The following TENM3 variants were observed in gnomAD, a reference collection of about 807,000 sequenced individuals.
TENM3 encodes teneurin-3.
A neutral mutation model predicts 255.1 loss-of-function variants in TENM3; 63 were observed. The ratio of observed to expected loss-of-function variants is 0.25; its 90% CI spans 0.20 to 0.30. The LOEUF (loss-of-function observed/expected upper bound fraction) is 0.30. Ranked by LOEUF, TENM3 falls within the 10% of genes least tolerant of loss-of-function variation. The pLI is 1.00. For missense variants in TENM3, 2,929 were observed against 3,461.1 expected (o/e 0.85, Z 3.86); for synonymous variants, 1,306 against 1,322.3 (o/e 0.99, Z 0.27).
intron 3 of TENM3, among the ~76,000 whole-genome samples, chr4:182,547,299 C>T (rs1400083470): frequency 6.6e-6 from 1 of 152,088 alleles, no homozygotes; most frequent in African/African-American, 2.4e-5. Flanking sequence ...TATTTCTAAA[C>T]TATATTATGG....
At chr4:181,512,738 C>G in the TENM3 span, among the ~76,000 whole-genome samples, 1 of 152,158 alleles carries the variant, frequency 6.6e-6, no homozygotes, top group Non-Finnish European at 1.5e-5. Flanking sequence ...AACAACCAAA[C>G]ATAAATAATA....
At chr4:182,672,975 G>T (rs747021789) in intron 6 of TENM3, 30 bp from the exon 7 acceptor site, 5 of 1,417,546 alleles carry the variant, frequency 3.5e-6, no homozygotes, top group Non-Finnish European at 4.8e-6. Flanking sequence ...AAAAAAATTT[G>T]TTCTTCATCA....
chr4:181,766,979 G>A, the TENM3 span, among the ~76,000 whole-genome samples: 14 of 151,684 alleles, frequency 9.2e-5, no homozygotes, highest in East Asian at 1.9e-3. Flanking sequence ...GAGGCCGGGC[G>A]CAGTGGCTCA....
At chr4:182,145,442 C>T (rs1280537709) in intron 1 of TENM3, among the ~76,000 whole-genome samples, 1 of 152,182 alleles carries the variant, frequency 6.6e-6, no homozygotes, top group African/African-American at 2.4e-5. Flanking sequence ...CTAAGTCCCT[C>T]TCGTGTTTTA....
chr4:182,196,482 G>A (rs1753840909), intron 1 of TENM3, among the ~76,000 whole-genome samples: 1 of 152,136 alleles, frequency 6.6e-6, no homozygotes, highest in African/African-American at 2.4e-5. Context: ...CTTCTCAAGG[G>A]TCAAGGCAAG....
the TENM3 span, among the ~76,000 whole-genome samples, chr4:181,592,873 C>A: frequency 1.3e-5 from 2 of 152,046 alleles, no homozygotes; most frequent in Admixed American, 1.3e-4. Flanking sequence ...AATTGTAATC[C>A]TTTTGCTGTT....
chr4:181,525,239 C>T, the TENM3 span, among the ~76,000 whole-genome samples: 4 of 151,736 alleles, frequency 2.6e-5, no homozygotes, highest in Admixed American at 6.6e-5. Context: ...GGTGAAACCC[C>T]GTCTCTACCA....
chr4:182,209,675 A>G (rs1486998058), intron 1 of TENM3, among the ~76,000 whole-genome samples: 1 of 152,088 alleles, frequency 6.6e-6, no homozygotes, highest in Non-Finnish European at 1.5e-5. Context: ...GTCTGTTACC[A>G]TTTGATGGGG....
chr4:181,580,303 G>A, the TENM3 span, among the ~76,000 whole-genome samples: 3 of 151,990 alleles, frequency 2.0e-5, no homozygotes, highest in African/African-American at 7.2e-5. Flanking sequence ...CAGCCAAGAA[G>A]TACCTACAAA....
the TENM3 span, among the ~76,000 whole-genome samples, chr4:181,451,411 G>T: frequency 1.3e-5 from 2 of 152,206 alleles, no homozygotes; most frequent in Non-Finnish European, 2.9e-5. Flanking sequence ...CAAGTGCAGT[G>T]AGAAACCATT....
the TENM3 span, among the ~76,000 whole-genome samples, chr4:181,823,972 A>G: frequency 2.0e-5 from 3 of 152,170 alleles, no homozygotes; most frequent in East Asian, 1.9e-4. Flanking sequence ...AGGGAAAACA[A>G]CATCATTTTA....
the TENM3 span, among the ~76,000 whole-genome samples, chr4:181,636,563 C>G: frequency 6.6e-6 from 1 of 152,140 alleles, no homozygotes; most frequent in Non-Finnish European, 1.5e-5. Context: ...ATGACAGGTT[C>G]CTCTCTTCCT....
the TENM3 span, among the ~76,000 whole-genome samples, chr4:181,489,383 GGT>G: frequency 2.6e-5 from 4 of 151,228 alleles, no homozygotes; most frequent in Non-Finnish European, 4.4e-5. Context: ...TGTGCACATA[GGT>G]GTGTGTGTGT....
the TENM3 span, among the ~76,000 whole-genome samples, chr4:181,566,331 A>G: frequency 3.3e-5 from 5 of 152,194 alleles, no homozygotes; most frequent in African/African-American, 1.2e-4. Flanking sequence ...ATTTCAGGAG[A>G]AATTTTGGGA....
chr4:181,455,202 A>T, the TENM3 span, among the ~76,000 whole-genome samples: 1 of 152,144 alleles, frequency 6.6e-6, no homozygotes, highest in Non-Finnish European at 1.5e-5. Context: ...GGTATAGCAA[A>T]CCAATGCAAG....
intron 6 of TENM3, among the ~76,000 whole-genome samples, chr4:182,667,174 T>TTTTTTGTTTTG (rs1554011113): frequency 1.3e-5 from 2 of 149,976 alleles, no homozygotes; most frequent in Admixed American, 6.7e-5. Flanking sequence ...AGTTACCATT[T>TTTTTTGTTTTG]TTTTGTTTTG....
chr4:182,374,302 T>C (rs1767034241), intron 3 of TENM3, among the ~76,000 whole-genome samples: 1 of 152,206 alleles, frequency 6.6e-6, no homozygotes, highest in Admixed American at 6.5e-5. Flanking sequence ...CCTGCTGTTT[T>C]TTTCTTGGCC....
At chr4:181,602,022 AT>A in the TENM3 span, among the ~76,000 whole-genome samples, 1 of 152,138 alleles carries the variant, frequency 6.6e-6, no homozygotes, top group African/African-American at 2.4e-5. Flanking sequence ...TTTAATTTAT[AT>A]CTGCAAAGGC....
the TENM3 span, among the ~76,000 whole-genome samples, chr4:181,533,938 C>T: frequency 1.3e-5 from 2 of 152,124 alleles, no homozygotes; most frequent in African/African-American, 4.8e-5. Flanking sequence ...AAATCTAAAA[C>T]ATAACCCACA....
Sources: allele counts gnomAD v4.1 joint callset (sites outside exome capture counted in the v4.1 genomes callset), GRCh38; gene constraint gnomAD v4.1.1; transcripts MANE v1.5; gene names NCBI Gene and HGNC (gene_info 2026-07-23, HGNC 2026-07-21).